The following CDH23 variants were observed in gnomAD, a reference collection of about 807,000 sequenced individuals.
CDH23 encodes cadherin-23.
A neutral mutation model predicts 317.1 loss-of-function variants in CDH23; 189 were observed. The observed-to-expected ratio is 0.60, with a 90% CI of 0.53 to 0.67. CDH23 has a LOEUF of 0.67. Ranked by LOEUF, CDH23 falls within the 30% of genes least tolerant of loss-of-function variation. CDH23 has a pLI of 0.00. For synonymous variants in CDH23, 1,839 were observed against 1,876.8 expected, an observed-to-expected ratio of 0.98 and a Z score of 0.52; for missense variants, 4,401 against 4,592.4, an observed-to-expected ratio of 0.96 and a Z score of 1.20.
intron 38 of CDH23, chr10:71,760,656 G>A: frequency 5.3e-6 from 3 of 564,956 alleles, no homozygotes; most frequent in South Asian, 4.2e-5. Context: ...GTCAAGAGGA[G>A]CAGAGACTCC....
chr10:71,435,667 G>A (rs1849582841), intron 1 of CDH23, among the ~76,000 whole-genome samples: 1 of 152,182 alleles, frequency 6.6e-6, no homozygotes, highest in African/African-American at 2.4e-5. Context: ...TGATCCAGTG[G>A]GGAGACAGGA....
intron 6 of CDH23, among the ~76,000 whole-genome samples, chr10:71,535,065 G>C (rs1855621861): frequency 6.6e-6 from 1 of 152,220 alleles, no homozygotes; most frequent in Non-Finnish European, 1.5e-5. Flanking sequence ...GGGAAGCATG[G>C]CTGACTGCCT....
chr10:71,640,752 T>TG (rs1406264155), intron 11 of CDH23, among the ~76,000 whole-genome samples: 1 of 151,712 alleles, frequency 6.6e-6, no homozygotes, highest in African/African-American at 2.4e-5. Flanking sequence ...AGACTCTGTC[T>TG]GAAAAAAAAA....
intron 23 of CDH23, 133 bp downstream of exon 23, chr10:71,702,344 GC>G: frequency 8.6e-7 from 1 of 1,161,170 alleles, no homozygotes. Flanking sequence ...TAATACCCAC[GC>G]CCCAGTTGTG....
At position 71,584,214 on chromosome 10, in the gene CDH23, T is replaced by C. The variant is rs745317173; in HGVS notation, c.832+6222T>C. Among the ~76,000 whole-genome samples, 4 of 152,152 alleles carry C rather than the reference T, an allele frequency of 2.6e-5. No homozygotes were observed. In the South Asian group the frequency reaches 6.2e-4, roughly 24 times the overall value. ...ATATCCATGGTGTTGACATTTCATG[T>C]CGGGGGAGGAAAGCAATTACGTAAA... is the stretch of plus-strand genomic sequence containing the variant. On this transcript the variant is annotated intron_variant, in intron 9 of 69. Coordinates refer to ENST00000224721, the MANE Select transcript of CDH23 (RefSeq NM_022124.6).
Position 71,785,751 on chromosome 10 carries a change from G to T in CDH23, c.5820+13G>T. 1.3e-6 allele frequency: 2 copies of T among 1,517,114 alleles called. No homozygotes were observed. Among genetic ancestry groups the T allele is most frequent in the East Asian group, 2.3e-5 (1 of 43,048 alleles). 94.0% of individuals were successfully genotyped at this position (1,517,114 alleles called of 1,614,324 possible). On this transcript the variant is annotated intron_variant, in intron 44 of 69. Coordinates refer to ENST00000224721, the MANE Select transcript of CDH23 (RefSeq NM_022124.6). ...CATAGCCAGGAGGGTGAGACTGGAG[G>T]GCACTGGTGGGAGTGGGCTGGGAGC...
intron 11 of CDH23, among the ~76,000 whole-genome samples, chr10:71,628,363 C>A (rs1861847879): frequency 6.6e-6 from 1 of 152,230 alleles, no homozygotes; most frequent in Admixed American, 6.5e-5. Context: ...AGAGGCAAGG[C>A]ATTTCATGGC....
intron 1 of CDH23, among the ~76,000 whole-genome samples, chr10:71,407,541 C>T (rs926778456): frequency 4.6e-5 from 7 of 152,156 alleles, no homozygotes; most frequent in African/African-American, 1.7e-4. Flanking sequence ...CCAGCCCTTC[C>T]CATCTGTAAA....
intron 16 of CDH23, 112 bp from the exon 17 acceptor site, chr10:71,679,274 CA>C: frequency 2.5e-6 from 2 of 790,554 alleles, no homozygotes; most frequent in Non-Finnish European, 2.1e-6. Flanking sequence ...CTGGATCACC[CA>C]AAAAAGGAGC....
chr10:71,549,647 C>T (rs2132309757), intron 6 of CDH23, among the ~76,000 whole-genome samples: 1 of 152,350 alleles, frequency 6.6e-6, no homozygotes, highest in African/African-American at 2.4e-5. Context: ...TTGACTGGCA[C>T]TGCCTGCCCT....
rs1458043371 is a variant in CDH23, at chr10:71,712,728, T to C, written c.3284T>C (p.Val1095Ala). The change falls in exon 28 of 70, where the codon GTG (valine) becomes GCG (alanine). Residue 1095 changes from valine to alanine, a missense_variant. Coordinates refer to ENST00000224721, the MANE Select transcript of CDH23 (RefSeq NM_022124.6). Reference protein sequence around the residue: ...TATVFVTVLDVNDNRPIFLQS... With the variant: ...TATVFVTVLDANDNRPIFLQS... Reference sequence around the variant, plus strand: ...ACCGTGTTCGTCACTGTCCTGGATGTGAATGACAACCGGCCCATCTTTCTG... The same window carrying C: ...ACCGTGTTCGTCACTGTCCTGGATGCGAATGACAACCGGCCCATCTTTCTG... 1 of 1,613,704 alleles carries C rather than the reference T, an allele frequency of 6.2e-7. No homozygotes were observed. Among genetic ancestry groups the C allele is most frequent in the African/African-American group, 1.3e-5 (1 of 75,070 alleles).
At chr10:71,576,163 C>G (rs750942917) in intron 8 of CDH23, among the ~76,000 whole-genome samples, 23 of 152,226 alleles carry the variant, frequency 1.5e-4, no homozygotes, top group Non-Finnish European at 2.9e-4. Context: ...TCTGCACAAG[C>G]CTGCACCAGC....
At chr10:71,761,028 G>T in intron 38 of CDH23, 1 of 1,161,374 alleles carries the variant, frequency 8.6e-7, no homozygotes, top group South Asian at 1.3e-5. Flanking sequence ...TCTCACGCTA[G>T]TGCCTACTCG....
chr10:71,732,467 A>T, intron 32 of CDH23, 92 bp downstream of exon 32: 1 of 1,514,234 alleles, frequency 6.6e-7, no homozygotes. Flanking sequence ...CCTCTTTGTC[A>T]TAAAATGTCC....
At chr10:71,571,989 C>T (rs1373595168) in intron 8 of CDH23, among the ~76,000 whole-genome samples, 1 of 152,252 alleles carries the variant, frequency 6.6e-6, no homozygotes, top group African/African-American at 2.4e-5. Context: ...TGGCCACTGG[C>T]CTCCCTTCAC....
At chr10:71,764,594 G>A (rs1190144535) in intron 38 of CDH23, among the ~76,000 whole-genome samples, 2 of 152,132 alleles carry the variant, frequency 1.3e-5, no homozygotes, top group Non-Finnish European at 2.9e-5. Context: ...CTTTCCCACA[G>A]GGCAACTGTC....
chr10:71,706,107 G>A (rs1349463360), intron 25 of CDH23, among the ~76,000 whole-genome samples: 1 of 152,158 alleles, frequency 6.6e-6, no homozygotes, highest in Non-Finnish European at 1.5e-5. Context: ...CCAAGACTCA[G>A]CAGAAGCCAT....
intron 18 of CDH23, among the ~76,000 whole-genome samples, chr10:71,687,044 CAG>C (rs1564732271): frequency 2.0e-5 from 3 of 152,138 alleles, no homozygotes; most frequent in African/African-American, 7.2e-5. Flanking sequence ...TTAGAACTGA[CAG>C]GGGTGGGGCT....
intron 9 of CDH23, among the ~76,000 whole-genome samples, chr10:71,581,378 C>A (rs951302376): frequency 6.6e-6 from 1 of 152,198 alleles, no homozygotes; most frequent in Non-Finnish European, 1.5e-5. Context: ...CTGGTGGTGG[C>A]TCTGTCTGCA....
Sources: gnomAD v4.1 joint callset for allele counts (sites outside exome capture counted in the v4.1 genomes callset) on GRCh38, gnomAD v4.1.1 for gene constraint, MANE v1.5 for transcripts, NCBI Gene and HGNC (gene_info 2026-07-23, HGNC 2026-07-21) for gene names.